PXDNL: variants seen among roughly 807,000 people sequenced by gnomAD.
PXDNL encodes the protein probable oxidoreductase PXDNL.
Under a neutral mutation model 150.8 loss-of-function variants are expected in PXDNL, and 145 were observed. The ratio of observed to expected loss-of-function variants is 0.96; its 90% CI spans 0.84 to 1.10. The LOEUF (loss-of-function observed/expected upper bound fraction) is 1.10, where lower values mean the gene tolerates loss of function less well. PXDNL is among the 50% of genes least tolerant of loss of function. The pLI is 0.00. For missense variants in PXDNL, 2,087 were observed against 1,873.9 expected (o/e 1.11, Z -2.10); for synonymous variants, 757 against 725.7 (o/e 1.04, Z -0.69).
intron 1 of PXDNL, among the ~76,000 whole-genome samples, chr8:51,700,673 TA>T (rs990074840): frequency 6.6e-6 from 1 of 151,064 alleles, no homozygotes; most frequent in Non-Finnish European, 1.5e-5. Context: ...TAAACATACA[TA>T]AACACACACA....
chr8:51,489,049 T>C (rs1810833779), intron 5 of PXDNL, among the ~76,000 whole-genome samples: 1 of 152,100 alleles, frequency 6.6e-6, no homozygotes, highest in Admixed American at 6.6e-5. Context: ...TGTTAAAAAG[T>C]AAGTAAAACA....
intron 6 of PXDNL, among the ~76,000 whole-genome samples, chr8:51,480,954 AT>A (rs1442963706): frequency 1.3e-5 from 2 of 152,238 alleles, no homozygotes; most frequent in Non-Finnish European, 2.9e-5. Flanking sequence ...ACAGACTAAT[AT>A]AATAAATTGG....
intron 1 of PXDNL, among the ~76,000 whole-genome samples, chr8:51,716,464 ATTCAC>A (rs1393065349): frequency 2.0e-5 from 3 of 152,198 alleles, no homozygotes; most frequent in African/African-American, 7.2e-5. Context: ...CAGTTAACTA[ATTCAC>A]TTCATGCTAT....
chr8:51,672,922 C>A (rs1457671934), intron 1 of PXDNL, among the ~76,000 whole-genome samples: 1 of 152,030 alleles, frequency 6.6e-6, no homozygotes, highest in African/African-American at 2.4e-5. Flanking sequence ...CTGTGAAATT[C>A]TTTGGTTGTG....
intron 17 of PXDNL, among the ~76,000 whole-genome samples, chr8:51,377,100 C>T (rs1004986070): frequency 6.4e-5 from 5 of 77,816 alleles, no homozygotes; most frequent in African/African-American, 2.0e-4. Flanking sequence ...TGGCACTCTA[C>T]CCTTTACACA....
chr8:51,409,523 T>G lies in PXDNL; in HGVS notation c.2101A>C (p.Ser701Arg), dbSNP rs754544231. 6.2e-7 allele frequency: 1 copy of G among 1,607,156 alleles called. No homozygotes were observed. The highest frequency in any genetic ancestry group is 1.7e-5 in the Admixed American group (1 of 58,604). ...CATCCAGATAAATTGGCGATGAGGC[T>G]GAGGGAGCGCGGGGACACCAAGTCA... Reference protein sequence around the residue: ...YNDLVSPRSLSLIANLSGCTA... With the variant: ...YNDLVSPRSLRLIANLSGCTA... The change falls in exon 17 of 23, where the codon AGC becomes CGC. Residue 701 changes from serine (S) to arginine (R), a missense_variant. By Grantham distance (110) the Ser-to-Arg change is moderately radical (BLOSUM62 -1). Transcript: ENST00000356297.
intron 8 of PXDNL, among the ~76,000 whole-genome samples, chr8:51,468,913 T>C (rs1810261805): frequency 6.6e-6 from 1 of 152,024 alleles, no homozygotes; most frequent in African/African-American, 2.4e-5. Flanking sequence ...TGTTCAGTCC[T>C]TAATAATCTA....
chr8:51,584,923 G>A (rs367866282), intron 3 of PXDNL, among the ~76,000 whole-genome samples: 2 of 152,072 alleles, frequency 1.3e-5, no homozygotes, highest in African/African-American at 2.4e-5. Context: ...GTTTTGTACC[G>A]GCAAGGGTAA....
intron 17 of PXDNL, among the ~76,000 whole-genome samples, chr8:51,396,543 G>T (rs1489917260): frequency 6.6e-6 from 1 of 152,186 alleles, no homozygotes; most frequent in Non-Finnish European, 1.5e-5. Context: ...GATCACCTGA[G>T]GTCGGGAGTT....
intron 1 of PXDNL, among the ~76,000 whole-genome samples, chr8:51,770,587 C>A (rs960056095): frequency 5.3e-5 from 8 of 152,222 alleles, no homozygotes; most frequent in Admixed American, 2.0e-4. Context: ...CTGCTGTCTC[C>A]TCCTGTCTCT....
At chr8:51,483,435 T>C (rs1324064076) in intron 6 of PXDNL, among the ~76,000 whole-genome samples, 1 of 152,250 alleles carries the variant, frequency 6.6e-6, no homozygotes, top group Non-Finnish European at 1.5e-5. Flanking sequence ...TCCTTTTGAA[T>C]GTCACTTCTA....
chr8:51,411,202 GT>G, intron 16 of PXDNL, 47 bp downstream of exon 16: 2 of 1,346,782 alleles, frequency 1.5e-6, no homozygotes, highest in Admixed American at 7.3e-5. Flanking sequence ...GTGGTGGTCA[GT>G]TTTTCTGTGG....
At chr8:51,616,802 C>G (rs1814139991) in intron 2 of PXDNL, among the ~76,000 whole-genome samples, 2 of 152,104 alleles carry the variant, frequency 1.3e-5, no homozygotes, top group South Asian at 2.1e-4. Context: ...TATTTTCAAT[C>G]CGAGGTCAGT....
rs192162568 is a variant in PXDNL at position 51,599,791 on chromosome 8, G to A, written c.237-7093C>T. Among the ~76,000 whole-genome samples the A allele has an allele frequency of 4.0e-3, 559 of 140,142 alleles. 25 individuals carry two copies. Among genetic ancestry groups the A allele is most frequent in the African/African-American group, 0.013 (477 of 36,456 alleles). The allele number at this position is 140,142 out of a possible 152,430, so 91.9% of individuals were successfully genotyped here. A position where few individuals can be genotyped will look rare whatever the true frequency, so the allele number is the denominator to read the frequency against. The stretch of plus-strand genomic sequence containing the variant: ...AATTATATCTTATATAAATGATATC[G>A]TTTAGATAATAAATTATACCTTATA... On this transcript the variant is annotated intron_variant, in intron 2 of 22. Coordinates refer to ENST00000356297, the MANE Select transcript of PXDNL (RefSeq NM_144651.5).
chr8:51,690,990 A>G (rs190815543), intron 1 of PXDNL, among the ~76,000 whole-genome samples: 2,086 of 152,158 alleles, frequency 0.014, 30 homozygotes, highest in South Asian at 0.045. Flanking sequence ...GTCTGTTCAT[A>G]TCCTTTGCCC....
intron 2 of PXDNL, among the ~76,000 whole-genome samples, chr8:51,647,754 C>T (rs564744908): frequency 6.6e-6 from 1 of 150,892 alleles, no homozygotes; most frequent in South Asian, 2.1e-4. Context: ...ATATAAGGAT[C>T]ATGATAGTGC....
intron 20 of PXDNL, among the ~76,000 whole-genome samples, chr8:51,340,570 T>C (rs1215390686): frequency 6.6e-6 from 1 of 152,262 alleles, no homozygotes; most frequent in Non-Finnish European, 1.5e-5. Context: ...ATGTCTTCCA[T>C]TGTTTACTAA....
chr8:51,320,927 G>T, intron 21 of PXDNL, 30 bp from the exon 22 acceptor site: 2 of 1,522,206 alleles, frequency 1.3e-6, no homozygotes, highest in Non-Finnish European at 1.8e-6. Context: ...AAAGAAGAGT[G>T]GAAATTGAAG....
intron 14 of PXDNL, among the ~76,000 whole-genome samples, chr8:51,416,867 T>C (rs1403921156): frequency 2.0e-5 from 3 of 152,246 alleles, no homozygotes; most frequent in Non-Finnish European, 4.4e-5. Flanking sequence ...ATACGTGATA[T>C]AGTCAAACAA....
Sources: gnomAD v4.1 joint callset for allele counts (sites outside exome capture counted in the v4.1 genomes callset) on GRCh38, gnomAD v4.1.1 for gene constraint, MANE v1.5 for transcripts, NCBI Gene and HGNC (gene_info 2026-07-23, HGNC 2026-07-21) for gene names.